DNAH5: variants seen among roughly 807,000 people sequenced by gnomAD.
DNAH5 encodes the protein dynein axonemal heavy chain 5, also known as axonemal beta dynein heavy chain 5.
DNAH5 carries 372 observed loss-of-function variants against 518.2 expected under a neutral mutation model. That is an observed-to-expected ratio of 0.72 (90% CI 0.66 to 0.78). The LOEUF (loss-of-function observed/expected upper bound fraction) is 0.78. Among genes scored for constraint, DNAH5 ranks in the 30% least tolerant of loss-of-function variants. The pLI is 0.00. For synonymous variants in DNAH5, 2,039 were observed against 2,025.9 expected, an observed-to-expected ratio of 1.01 and a Z score of -0.17; for missense variants, 5,523 against 5,687.0, an observed-to-expected ratio of 0.97 and a Z score of 0.93.
chr5:13,989,243 A>C (rs1262561601), intron 1 of DNAH5, among the ~76,000 whole-genome samples: 2 of 152,200 alleles, frequency 1.3e-5, no homozygotes, highest in African/African-American at 4.8e-5. Context: ...AATATTCTAC[A>C]AGAAAAAGTG....
intron 1 of DNAH5, among the ~76,000 whole-genome samples, chr5:14,011,000 TAA>T (rs35413406): frequency 1.5e-4 from 22 of 142,790 alleles, no homozygotes; most frequent in African/African-American, 4.1e-4. Flanking sequence ...AATATTCACT[TAA>T]AAAAAAAAAA....
In DNAH5 at chr5:13,792,213, C is replaced by A. The variant is rs2126901300; in HGVS notation, c.8229G>T (p.Val2743=). The A allele has an allele frequency of 6.2e-7, 1 of 1,613,120 alleles. No homozygotes were observed. The highest frequency in any genetic ancestry group is 2.2e-5 in the East Asian group (1 of 44,870). The change falls in exon 50 of 79, where the codon GTG becomes GTT. Residue 2743 remains valine (V), a synonymous_variant. Coordinates refer to ENST00000265104, the MANE Select transcript of DNAH5 (RefSeq NM_001369.3). The part of the protein sequence containing the change: ...SEASVDKIFG[V]IGVGHYCTQR... The stretch of plus-strand genomic sequence containing the variant: ...GAGTACAGTAGTGGCCTACCCCAAT[C>A]ACACCTGAAAAGGGGGAAATTACAG...
At chr5:13,928,044 G>A (rs1778060526) in intron 3 of DNAH5, 50 bp downstream of exon 3, 1 of 1,489,238 alleles carries the variant, frequency 6.7e-7, no homozygotes, top group Non-Finnish European at 9.4e-7. Context: ...GCTACCCTCA[G>A]ATAAATCTAA....
chr5:13,781,918 G>A (rs141409513), intron 52 of DNAH5, among the ~76,000 whole-genome samples: 3 of 151,986 alleles, frequency 2.0e-5, no homozygotes, highest in African/African-American at 7.3e-5. Flanking sequence ...GGGTCAGGGG[G>A]GCCACTTCAC....
At chr5:13,756,342 T>A (rs1051018422) in intron 61 of DNAH5, among the ~76,000 whole-genome samples, 14 of 151,648 alleles carry the variant, frequency 9.2e-5, no homozygotes, top group Non-Finnish European at 1.2e-4. Context: ...ATGCCCAGAT[T>A]TTTTTTTAAT....
chr5:13,723,669 A>G (rs1745350106), intron 70 of DNAH5, among the ~76,000 whole-genome samples: 1 of 152,270 alleles, frequency 6.6e-6, no homozygotes, highest in African/African-American at 2.4e-5. Context: ...CTATGTTCCA[A>G]TAAATTGTTA....
chr5:13,951,221 T>G (rs1176753698), intron 1 of DNAH5, among the ~76,000 whole-genome samples: 8 of 131,506 alleles, frequency 6.1e-5, no homozygotes, highest in Non-Finnish European at 9.7e-5. Context: ...TTTTTTTTTT[T>G]TTTTTTTTTT....
chr5:13,904,755 A>G (rs1456551721), intron 12 of DNAH5, among the ~76,000 whole-genome samples: 1 of 152,096 alleles, frequency 6.6e-6, no homozygotes, highest in Non-Finnish European at 1.5e-5. Flanking sequence ...TTCAAAAAAT[A>G]CAAAAATTAG....
At chr5:13,893,769 C>T (rs1441720810) in intron 16 of DNAH5, among the ~76,000 whole-genome samples, 2 of 151,944 alleles carry the variant, frequency 1.3e-5, no homozygotes, top group Non-Finnish European at 2.9e-5. Context: ...CAGGAGGAAG[C>T]GGTCACAGGA....
At chr5:13,819,745 G>A (rs17206424) in intron 41 of DNAH5, among the ~76,000 whole-genome samples, 21,979 of 152,158 alleles carry the variant, frequency 0.14, 1,686 homozygotes, top group Admixed American at 0.19. Context: ...GACTTTAGAT[G>A]TAAGGCTTAG....
intron 35 of DNAH5, among the ~76,000 whole-genome samples, chr5:13,831,847 G>C (rs111859920): frequency 2.6e-5 from 4 of 152,100 alleles, no homozygotes; most frequent in Non-Finnish European, 2.9e-5. Context: ...GCATCATCTC[G>C]TTTCATCCCC....
intron 1 of DNAH5, among the ~76,000 whole-genome samples, chr5:13,983,559 C>T (rs894776140): frequency 2.6e-5 from 4 of 152,156 alleles, no homozygotes; most frequent in Admixed American, 6.5e-5. Context: ...GAGACAGCTG[C>T]ACAGGCAAGG....
At chr5:13,779,353 C>T (rs762357904) in intron 53 of DNAH5, among the ~76,000 whole-genome samples, 3 of 152,178 alleles carry the variant, frequency 2.0e-5, no homozygotes, top group Admixed American at 6.5e-5. Context: ...ATAGGTCAGA[C>T]AAAACACAAA....
intron 70 of DNAH5, among the ~76,000 whole-genome samples, chr5:13,722,314 T>C (rs1335524024): frequency 6.6e-6 from 1 of 152,260 alleles, no homozygotes; most frequent in African/African-American, 2.4e-5. Flanking sequence ...GCCAGTAATC[T>C]GGGCTCATCC....
intron 59 of DNAH5, among the ~76,000 whole-genome samples, chr5:13,764,147 G>A (rs1385981435): frequency 6.6e-6 from 1 of 152,170 alleles, no homozygotes; most frequent in Non-Finnish European, 1.5e-5. Flanking sequence ...ATTTGAACAT[G>A]AAAGAAAAGA....
At position 13,944,517 on chromosome 5, in the gene DNAH5, A is replaced by C; in HGVS notation, c.-79T>G. 8.1e-7 allele frequency: 1 copy of C among 1,241,698 alleles called. No homozygotes were observed. Among genetic ancestry groups the C allele is most frequent in the Non-Finnish European group, 1.2e-6 (1 of 852,958 alleles). 76.9% of individuals were successfully genotyped at this position (1,241,698 alleles called of 1,614,324 possible). On this transcript the variant is annotated 5_prime_UTR_variant, in exon 1 of 79. Coordinates refer to ENST00000265104, the MANE Select transcript of DNAH5 (RefSeq NM_001369.3). ...TCCTGGCAGACCTGCTCAACATCCAACAGGCTTCCAAATGGAAAGTTTTAC... is the reference window on the plus strand; with the variant it reads ...TCCTGGCAGACCTGCTCAACATCCACCAGGCTTCCAAATGGAAAGTTTTAC...
chr5:13,830,233 G>GA lies in DNAH5; in HGVS notation c.6062-21dup, dbSNP rs1763463915. On this transcript the variant is annotated intron_variant, in intron 36 of 78. Transcript: ENST00000265104. ...CCAGTCCTTCGAAAGGAAATTAAAT[G>GA]AAAAATCCAATTAGTATATAATTTT... The GA allele has an allele frequency of 2.5e-6, 4 of 1,607,198 alleles. No homozygotes were observed. The highest frequency in any genetic ancestry group is 3.4e-6 in the Non-Finnish European group (4 of 1,174,158).
chr5:13,836,865 C>T (rs1028016715), intron 35 of DNAH5, among the ~76,000 whole-genome samples: 14 of 152,108 alleles, frequency 9.2e-5, no homozygotes, highest in South Asian at 4.1e-4. Flanking sequence ...GGGTCAGAGA[C>T]ACAAGACAGA....
chr5:13,696,140 G>A (rs765449774), intron 78 of DNAH5, among the ~76,000 whole-genome samples: 4 of 152,158 alleles, frequency 2.6e-5, no homozygotes, highest in South Asian at 2.1e-4. Context: ...GGAAATAACC[G>A]TTGAGACCCC....
Sources: allele counts gnomAD v4.1 joint callset (sites outside exome capture counted in the v4.1 genomes callset), GRCh38; gene constraint gnomAD v4.1.1; transcripts MANE v1.5; gene names NCBI Gene and HGNC (gene_info 2026-07-23, HGNC 2026-07-21).